CD5: variants seen among roughly 807,000 people sequenced by gnomAD.
CD5 encodes T-cell surface glycoprotein CD5.
CD5 carries 36 observed loss-of-function variants against 60.3 expected under a neutral mutation model. The observed-to-expected ratio is 0.60, with a 90% CI of 0.46 to 0.79. The LOEUF (loss-of-function observed/expected upper bound fraction) is 0.79, where lower values mean the gene tolerates loss of function less well. Among genes scored for constraint, CD5 ranks in the 30% least tolerant of loss-of-function variants. CD5 has a pLI of 0.00. For missense variants in CD5, 540 were observed against 630.6 expected, an observed-to-expected ratio of 0.86 and a Z score of 1.54; for synonymous variants, 230 against 257.6, an observed-to-expected ratio of 0.89 and a Z score of 1.03.
rs922697611 is a variant in CD5 at position 61,125,756 on chromosome 11, G to A, written c.1405G>A (p.Glu469Lys). 3 of 1,610,226 alleles carry A rather than the reference G, an allele frequency of 1.9e-6. No individual in the cohort carries two copies. The Admixed American group carries it at 5.0e-5, about 27-fold the overall frequency. The change falls in exon 10 of 11, where the codon GAA (glutamate) becomes AAA (lysine). Residue 469 changes from glutamate to lysine, a missense_variant. Transcript: ENST00000347785. ...NSHLSAYPAL[E>K]GALHRSSMQP... ...AGCGTCCTTTCTTTCCCCAGCTCTG[G>A]AAGGGGCTCTGCATCGCTCCTCCAT...
chr11:61,109,277 C>T (rs1860817359), intron 1 of CD5, among the ~76,000 whole-genome samples: 1 of 152,202 alleles, frequency 6.6e-6, no homozygotes, highest in Non-Finnish European at 1.5e-5. Context: ...CTTGACACAT[C>T]CCCCTTAGTG....
intron 6 of CD5, among the ~76,000 whole-genome samples, chr11:61,122,370 GGATGATGGA>G (rs1861076967): frequency 6.9e-6 from 1 of 145,252 alleles, no homozygotes; most frequent in African/African-American, 2.7e-5. Flanking sequence ...GTGGGTGGAT[GGATGATGGA>G]TGGATGGATG....
intron 1 of CD5, among the ~76,000 whole-genome samples, chr11:61,103,100 G>C (rs1860724603): frequency 6.6e-6 from 1 of 152,226 alleles, no homozygotes; most frequent in Non-Finnish European, 1.5e-5. Flanking sequence ...AGCCGCCTCT[G>C]AGGACGATGT....
At position 61,102,589 on chromosome 11, in the gene CD5, C is replaced by T; in HGVS notation, c.29C>T (p.Ala10Val). The part of the protein sequence containing the change: MPMGSLQPL[A>V]TLYLLGMLVA... ...CCCATGGGGTCTCTGCAACCGCTGG[C>T]CACCTTGTACCTGCTGGGGATGCTG... Residue 10 changes from alanine (A) to valine (V), a missense_variant, in exon 1 of 11, where the codon GCC (alanine) becomes GTC (valine). Ala to Val is a moderately conservative substitution (Grantham distance 64). Transcript: ENST00000347785. 6.3e-7 allele frequency: 1 copy of T among 1,592,918 alleles called. No homozygotes were observed. Among genetic ancestry groups the T allele is most frequent in the Non-Finnish European group, 8.6e-7 (1 of 1,169,214 alleles).
chr11:61,109,296 C>T (rs1860817646), intron 1 of CD5, among the ~76,000 whole-genome samples: 1 of 152,180 alleles, frequency 6.6e-6, no homozygotes, highest in Admixed American at 6.5e-5. Flanking sequence ...TGTGAAACTG[C>T]ATATGTTTCG....
upstream of CD5, among the ~76,000 whole-genome samples, chr11:61,100,974 T>A (rs1173120555): frequency 1.4e-4 from 7 of 51,076 alleles, no homozygotes; most frequent in African/African-American, 3.7e-4. Flanking sequence ...GAGATCACAT[T>A]CACACACATC....
intron 2 of CD5, among the ~76,000 whole-genome samples, chr11:61,117,959 C>A (rs1419629031): frequency 6.6e-6 from 1 of 152,206 alleles, no homozygotes; most frequent in Non-Finnish European, 1.5e-5. Flanking sequence ...AAATCTGGAG[C>A]CCCACCCTCC....
Position 61,115,051 on chromosome 11 carries a change from T to G in CD5, c.56-5T>G. 1.3e-6 allele frequency: 2 copies of G among 1,556,254 alleles called. No individual in the cohort carries two copies. The highest frequency in any genetic ancestry group is 2.7e-5 in the African/African-American group (2 of 73,430). On this transcript the variant is annotated splice_polypyrimidine_tract_variant and splice_region_variant and intron_variant, in intron 1 of 10. Transcript: ENST00000347785. ...CTTCCTGACCCTCCTCTCTTCTTTC[T>G]GCAGTCGCTTCCTGCCTCGGACGGC...
rs111549923 is a variant in CD5 at position 61,124,058 on chromosome 11, C to T, written c.1279+121C>T. ...GGCTGCTTGAAGCCTCTGATCTCCA[C>T]GGTGCTTGTCTGACATGTGACTGTG... is the stretch of plus-strand genomic sequence containing the variant. On this transcript the variant is annotated intron_variant, in intron 8 of 10. Transcript: ENST00000347785. 2.7e-3 allele frequency: 2,063 copies of T among 767,470 alleles called. 40 individuals are homozygous for T. In the African/African-American group the frequency reaches 0.029, roughly 11 times the overall value. 47.5% of individuals were successfully genotyped at this position (767,470 alleles called of 1,614,324 possible). A position where few individuals can be genotyped will look rare whatever the true frequency, so the allele number is the denominator to read the frequency against.
intron 6 of CD5, among the ~76,000 whole-genome samples, 154 bp downstream of exon 6, chr11:61,122,058 G>A (rs1861068743): frequency 1.3e-5 from 2 of 152,154 alleles, no homozygotes; most frequent in Non-Finnish European, 2.9e-5. Context: ...TGGAAGGCTA[G>A]GGAGCAAGAG....
chr11:61,107,286 C>T (rs1402705060), intron 1 of CD5, among the ~76,000 whole-genome samples: 2 of 152,064 alleles, frequency 1.3e-5, no homozygotes, highest in Non-Finnish European at 2.9e-5. Flanking sequence ...AGTGGGGGAT[C>T]GATGAGGCAG....
Position 61,118,244 on chromosome 11 carries a change from G to A in CD5, c.164G>A (p.Gly55Glu), listed in dbSNP as rs1459989349. 6.2e-7 allele frequency: 1 copy of A among 1,614,138 alleles called. No homozygotes were observed. Among genetic ancestry groups the A allele is most frequent in the East Asian group, 2.2e-5 (1 of 44,900 alleles). Residue 55 changes from glycine (G) to glutamate (E), a missense_variant, in exon 3 of 11, where the codon GGA becomes GAA. Gly to Glu is a moderately conservative substitution (Grantham distance 98, BLOSUM62 -2). Transcript: ENST00000347785. This position sits in a 1 kb window ranked among gnomAD's most constrained non-coding sequence, Gnocchi z 4.7. ...CAGCTGGAGGTCTACCTCAAGGACG[G>A]ATGGCACATGGTTTGCAGCCAGAGC... is the stretch of plus-strand genomic sequence containing the variant. ...QGQLEVYLKD[G>E]WHMVCSQSWG...
chr11:61,122,820 G>A (rs115588172), intron 6 of CD5, 87 bp from the exon 7 acceptor site: 14 of 1,411,096 alleles, frequency 9.9e-6, no homozygotes, highest in African/African-American at 2.8e-5. Context: ...CAAGGATGAC[G>A]GCGGAAGCCA....
At chr11:61,098,680 C>T (rs1011118768), upstream of CD5, among the ~76,000 whole-genome samples, 2 of 152,216 alleles carry the variant, frequency 1.3e-5, no homozygotes, top group African/African-American at 2.4e-5. Flanking sequence ...CCCTCTCAAG[C>T]AGACTCCCTT....
rs528119957 is a variant in CD5, at chr11:61,116,377, C to T, written c.94+1283C>T. 6.6e-3 allele frequency among the ~76,000 whole-genome samples: 1,000 copies of T among 151,430 alleles called. 12 individuals are homozygous for T. Among genetic ancestry groups the T allele is most frequent in the African/African-American group, 0.023 (958 of 41,236 alleles). On this transcript the variant is annotated intron_variant, in intron 2 of 10. Coordinates refer to ENST00000347785, the MANE Select transcript of CD5 (RefSeq NM_014207.4). ...TCAAGGAGCTCTTTATGCAAATACA[C>T]ACACACACACCCCACACAGACCCCA... is the stretch of plus-strand genomic sequence containing the variant.
At chr11:61,098,227 T>C (rs1375760932), upstream of CD5, among the ~76,000 whole-genome samples, 1 of 152,210 alleles carries the variant, frequency 6.6e-6, no homozygotes, top group African/African-American at 2.4e-5. Context: ...TTGCTACCTG[T>C]ACTTCTTCAA....
intron 1 of CD5, among the ~76,000 whole-genome samples, chr11:61,110,859 T>TG (rs928647729): frequency 6.6e-6 from 1 of 152,036 alleles, no homozygotes; most frequent in African/African-American, 2.4e-5. Context: ...GTGTTGGTGA[T>TG]GGTGACAGTG....
chr11:61,119,107 AC>A, intron 4 of CD5, 126 bp from the exon 5 acceptor site: 1 of 1,157,488 alleles, frequency 8.6e-7, no homozygotes. Context: ...AATATTTGGG[AC>A]CCCATCACCT....
At chr11:61,108,520 C>T (rs75571137) in intron 1 of CD5, among the ~76,000 whole-genome samples, 3,227 of 152,304 alleles carry the variant, frequency 0.021, 126 homozygotes, top group African/African-American at 0.072. Flanking sequence ...TGGTCCTTTA[C>T]GACCTTCGTT....
Sources: gnomAD v4.1 joint callset for allele counts (sites outside exome capture counted in the v4.1 genomes callset) on GRCh38, gnomAD v4.1.1 for gene constraint, Gnocchi (gnomAD v3.1) non-coding constraint, MANE v1.5 for transcripts, NCBI Gene and HGNC (gene_info 2026-07-23, HGNC 2026-07-21) for gene names.